The following SNRPN variants were observed in gnomAD, a reference collection of about 807,000 sequenced individuals.
SNRPN encodes the protein small nuclear ribonucleoprotein-associated protein N.
Under a neutral mutation model 25.2 loss-of-function variants are expected in SNRPN, and 7 were observed. That is an observed-to-expected ratio of 0.28 (90% CI 0.16 to 0.52). The LOEUF is 0.52. Ranked by LOEUF, SNRPN falls within the 20% of genes least tolerant of loss-of-function variation. The pLI, the probability that SNRPN is intolerant of heterozygous loss-of-function variation, is 0.96. For missense variants in SNRPN, 196 were observed against 322.5 expected (o/e 0.61, Z 3.00); for synonymous variants, 124 against 110.6 (o/e 1.12, Z -0.76).
At chr15:24,909,589 T>C (rs878877521) in intron 2 of SNRPN, 3 of 1,275,664 alleles carry the variant, frequency 2.4e-6, no homozygotes, top group African/African-American at 1.5e-5. Flanking sequence ...CGTGTGCATA[T>C]GCTGTGCAGA....
At chr15:24,948,125 G>A (rs1412226140) in intron 3 of SNRPN, among the ~76,000 whole-genome samples, 3 of 110,228 alleles carry the variant, frequency 2.7e-5, no homozygotes, top group African/African-American at 9.3e-5. Context: ...TTTTATTTAT[G>A]TTTTGAGATG....
At chr15:24,914,395 T>C (rs563395035) in intron 2 of SNRPN, among the ~76,000 whole-genome samples, 1 of 152,094 alleles carries the variant, frequency 6.6e-6, no homozygotes, top group East Asian at 1.9e-4. Context: ...AACTATACTC[T>C]GAATTCTTAA....
chr15:24,858,876 C>A (rs1403735923), intron 1 of SNRPN, among the ~76,000 whole-genome samples: 1 of 151,964 alleles, frequency 6.6e-6, no homozygotes. Context: ...ACCCCCTTTT[C>A]CTTTTTCTCT....
intron 3 of SNRPN, among the ~76,000 whole-genome samples, chr15:24,946,476 T>TG (rs1019691093): frequency 1.3e-5 from 2 of 152,160 alleles, no homozygotes; most frequent in African/African-American, 4.8e-5. Context: ...TGTTTTGTTT[T>TG]TTTGAGACGA....
At chr15:24,948,426 A>G (rs2062019528) in intron 3 of SNRPN, among the ~76,000 whole-genome samples, 1 of 152,054 alleles carries the variant, frequency 6.6e-6, no homozygotes, top group South Asian at 2.1e-4. Flanking sequence ...AACAGTTTAT[A>G]TTTAAAAATT....
In SNRPN at chr15:24,937,654, C is replaced by T. The variant is rs151174291; in HGVS notation, c.-391+17530C>T. ...CATTACATAAAATTTTCATCTTACC[C>T]GTTTCAGGGGCACTAAGTGCATTCA... On this transcript the variant is annotated intron_variant, in intron 3 of 11. Transcript: ENST00000400097. Among the ~76,000 whole-genome samples, 364 of 152,258 alleles carry T rather than the reference C, an allele frequency of 2.4e-3. 2 individuals carry two copies. The highest frequency in any genetic ancestry group is 8.3e-3 in the African/African-American group (346 of 41,540).
At chr15:24,918,404 A>C (rs1328152085) in intron 2 of SNRPN, among the ~76,000 whole-genome samples, 1 of 72,998 alleles carries the variant, frequency 1.4e-5, no homozygotes, top group Admixed American at 1.6e-4. Flanking sequence ...GTATATATAT[A>C]ACATAATATA....
chr15:24,974,421 A>G lies in SNRPN; in HGVS notation c.-33A>G. 1 of 1,611,696 alleles carries G rather than the reference A, an allele frequency of 6.2e-7. No homozygotes were observed. The highest frequency in any genetic ancestry group is 8.5e-7 in the Non-Finnish European group (1 of 1,177,870). On this transcript the variant is annotated 5_prime_UTR_variant, in exon 4 of 10. Coordinates refer to ENST00000390687, the MANE Select transcript of SNRPN (RefSeq NM_003097.6). Reference sequence around the variant, plus strand: ...AGGTCTTCAGAAGCATCAAGTTTTAACTGTGGACATTGGATTTGGTGGAAC... The same window carrying G: ...AGGTCTTCAGAAGCATCAAGTTTTAGCTGTGGACATTGGATTTGGTGGAAC...
intron 3 of SNRPN, among the ~76,000 whole-genome samples, chr15:24,949,785 A>G (rs1416230555): frequency 6.6e-6 from 1 of 151,838 alleles, no homozygotes; most frequent in East Asian, 1.9e-4. Context: ...GCAGAATGAT[A>G]TTCCATTGTA....
At position 24,970,684 on chromosome 15, in the gene SNRPN, T is replaced by C. The variant is rs548876156; in HGVS notation, c.-144+2602T>C. Among the ~76,000 whole-genome samples the C allele has an allele frequency of 3.3e-5, 5 of 152,326 alleles. No individual in the cohort carries two copies. The East Asian group carries it at 9.6e-4, about 29-fold the overall frequency. ...TACCTAGTAGTTGGGATGCAGGGTG[T>C]AATATTAGTATGACTTTTAAACGTT... On this transcript the variant is annotated intron_variant, in intron 3 of 9. Coordinates refer to ENST00000390687, the MANE Select transcript of SNRPN (RefSeq NM_003097.6).
At chr15:24,968,107 A>G (rs564236427) in intron 3 of SNRPN, 25 bp downstream of exon 3, 5 of 1,289,408 alleles carry the variant, frequency 3.9e-6, no homozygotes, top group South Asian at 1.2e-5. Context: ...AGCAATGATC[A>G]AGAATAAAGA....
intron 1 of SNRPN, among the ~76,000 whole-genome samples, chr15:24,879,447 AAAG>A (rs1447784090): frequency 7.2e-5 from 11 of 152,058 alleles, no homozygotes; most frequent in African/African-American, 2.4e-4. Context: ...TACAAAAAAA[AAAG>A]AAAGAAAGAA....
At chr15:24,903,228 C>T (rs1229243659) in intron 2 of SNRPN, among the ~76,000 whole-genome samples, 2 of 152,166 alleles carry the variant, frequency 1.3e-5, no homozygotes, top group African/African-American at 4.8e-5. Context: ...CTTAATGGCA[C>T]ATTAATTCTT....
intron 3 of SNRPN, among the ~76,000 whole-genome samples, chr15:24,949,732 C>T (rs79084337): frequency 1.3e-5 from 2 of 152,256 alleles, no homozygotes; most frequent in African/African-American, 4.8e-5. Context: ...TGTCAGGGTT[C>T]TTCCATGTTG....
At chr15:24,974,087 C>T (rs994223545) in intron 3 of SNRPN, among the ~76,000 whole-genome samples, 1 of 152,046 alleles carries the variant, frequency 6.6e-6, no homozygotes, top group African/African-American at 2.4e-5. Context: ...TTAGGAATTA[C>T]TAGGTAAAAT....
chr15:24,867,934 A>C (rs944035110), intron 1 of SNRPN, among the ~76,000 whole-genome samples: 16 of 152,004 alleles, frequency 1.1e-4, no homozygotes, highest in African/African-American at 3.6e-4. Flanking sequence ...TCTTCTTAGC[A>C]TATCATTATA....
At chr15:24,931,609 G>A (rs1285000501) in intron 3 of SNRPN, among the ~76,000 whole-genome samples, 1 of 151,818 alleles carries the variant, frequency 6.6e-6, no homozygotes, top group Non-Finnish European at 1.5e-5. Flanking sequence ...GGAGGGGCGG[G>A]GGGTGAATGG....
chr15:24,831,050 T>G (rs930087727), intron 2 of SNRPN, among the ~76,000 whole-genome samples: 2 of 152,146 alleles, frequency 1.3e-5, no homozygotes, highest in Middle Eastern at 3.4e-3. Context: ...TAATAGCGGA[T>G]TCATCTATTT....
At position 24,823,690 on chromosome 15, in the gene SNRPN, T is replaced by G. The variant is rs74005355; in HGVS notation, c.-847T>G. The stretch of plus-strand genomic sequence containing the variant: ...GCCACTGTAGCTGAGCTCAGAGCCT[T>G]CTGTGTGGTTTGCGGGGGCAAGGTC... On this transcript the variant is annotated 5_prime_UTR_variant, in exon 1 of 13. Transcript: ENST00000400100. 372 of 152,316 alleles carry G rather than the reference T, an allele frequency of 2.4e-3. 2 individuals carry two copies. The highest frequency in any genetic ancestry group is 8.7e-3 in the African/African-American group (361 of 41,540). The allele number at this position is 152,316 out of a possible 1,614,324, so 9.4% of individuals were successfully genotyped here.
Sources: allele counts gnomAD v4.1 joint callset (sites outside exome capture counted in the v4.1 genomes callset), GRCh38; gene constraint gnomAD v4.1.1; transcripts MANE v1.5; gene names NCBI Gene and HGNC (gene_info 2026-07-23, HGNC 2026-07-21).